Variants in SRCIN1 observed in about 807,000 individuals in gnomAD.
SRCIN1 encodes the protein SRC kinase signaling inhibitor 1, also known as P130Cas-associated protein.
SRCIN1 carries 50 observed loss-of-function variants against 116.2 expected under a neutral mutation model. That is an observed-to-expected ratio of 0.43 (90% CI 0.34 to 0.54). The LOEUF is 0.54. SRCIN1 is among the 20% of genes least tolerant of loss of function. SRCIN1 has a pLI of 0.02. For missense variants in SRCIN1, 1,446 were observed against 1,672.0 expected (o/e 0.86, Z 2.36); for synonymous variants, 736 against 750.0 (o/e 0.98, Z 0.30).
intron 2 of SRCIN1, chr17:38,574,807 A>G: frequency 5.0e-6 from 2 of 400,510 alleles, no homozygotes; most frequent in Non-Finnish European, 8.8e-6. Context: ...CCCTCCAAAA[A>G]AAAAAAATCC....
At position 38,604,865 on chromosome 17, in the gene SRCIN1, C is replaced by T. The variant is rs2143488669; in HGVS notation, c.22+819G>A. On this transcript the variant is annotated intron_variant, in intron 1 of 18. Transcript: ENST00000617146. The surrounding 1 kb of genome is among the most constrained non-coding windows in gnomAD (Gnocchi z 4.3). ...CCTGCCTTCCCTATCTTCTCACTCA[C>T]CCTAGATGCCCTCCCCAGCTGGGGG... Among the ~76,000 whole-genome samples the T allele has an allele frequency of 6.6e-6, 1 of 151,330 alleles. No individual in the cohort carries two copies. Among genetic ancestry groups the T allele is most frequent in the South Asian group, 2.1e-4 (1 of 4,798 alleles).
chr17:38,563,927 G>C lies in SRCIN1; in HGVS notation c.541+191C>G. On this transcript the variant is annotated intron_variant, in intron 4 of 18. Transcript: ENST00000617146. The surrounding 1 kb of genome is among the most constrained non-coding windows in gnomAD (Gnocchi z 5.8). ...GGAGAGAGGAGGCTTGGAGGGAAAG[G>C]GGTCGGGTGGGGATGCTGAGGGCGA... 1.5e-6 allele frequency: 1 copy of C among 645,438 alleles called. No homozygotes were observed. Among genetic ancestry groups the C allele is most frequent in the Non-Finnish European group, 2.7e-6 (1 of 375,826 alleles). The allele number at this position is 645,438 out of a possible 1,614,324, so 40.0% of individuals were successfully genotyped here.
intron 1 of SRCIN1, among the ~76,000 whole-genome samples, chr17:38,580,252 G>T (rs1907711268): frequency 6.6e-6 from 1 of 152,020 alleles, no homozygotes; most frequent in African/African-American, 2.4e-5. Flanking sequence ...ATTCAGCCAG[G>T]TTTCAAGAAA....
In SRCIN1 at chr17:38,585,428, G is replaced by A. The variant is rs1035047543; in HGVS notation, c.23-6637C>T. On this transcript the variant is annotated intron_variant, in intron 1 of 18. Coordinates refer to ENST00000617146, the MANE Select transcript of SRCIN1 (RefSeq NM_025248.3). The surrounding 1 kb of genome is among the most constrained non-coding windows in gnomAD (Gnocchi z 4.2). ...TGCCTGCTGCAGTCGGGAAGCACAC[G>A]GTGTGCTTGGAGGTTGGAGGCCAGA... 6.6e-6 allele frequency among the ~76,000 whole-genome samples: 1 copy of A among 152,220 alleles called. No individual in the cohort carries two copies. The highest frequency in any genetic ancestry group is 2.4e-5 in the African/African-American group (1 of 41,450).
chr17:38,584,593 C>T (rs908769923), intron 1 of SRCIN1, among the ~76,000 whole-genome samples: 14 of 152,210 alleles, frequency 9.2e-5, no homozygotes, highest in Non-Finnish European at 1.8e-4. Flanking sequence ...GTCATTTGTC[C>T]GAACAATTCC....
rs2040939400 is a variant in SRCIN1 at position 38,532,778 on chromosome 17, C to T, written c.*519G>A. 1 of 152,532 alleles carries T rather than the reference C, an allele frequency of 6.6e-6. No homozygotes were observed. The highest frequency in any genetic ancestry group is 6.5e-5 in the Admixed American group (1 of 15,286). The allele number at this position is 152,532 out of a possible 1,614,324, so 9.4% of individuals were successfully genotyped here. ...CATCTCCAAGGCCAGTCTCCCTAAG[C>T]CCCGCTCTCTGGCTTGATGTATGGG... is the stretch of plus-strand genomic sequence containing the variant. On this transcript the variant is annotated 3_prime_UTR_variant, in exon 19 of 19. Coordinates refer to ENST00000617146, the MANE Select transcript of SRCIN1 (RefSeq NM_025248.3). The surrounding 1 kb of genome is among the most constrained non-coding windows in gnomAD (Gnocchi z 4.3).
intron 17 of SRCIN1, chr17:38,547,810 G>A: frequency 4.0e-6 from 1 of 249,520 alleles, no homozygotes; most frequent in South Asian, 3.2e-5. Flanking sequence ...GGTCCTGGGG[G>A]GACAGCAAGG....
chr17:38,551,910 G>A lies in SRCIN1; in HGVS notation c.2703C>T (p.Ser901=), dbSNP rs1905443252. 2.5e-6 allele frequency: 4 copies of A among 1,613,970 alleles called. No individual in the cohort carries two copies. Among genetic ancestry groups the A allele is most frequent in the African/African-American group, 1.3e-5 (1 of 75,060 alleles). Residue 901 remains serine (S), a synonymous_variant, in exon 14 of 19, where the codon AGC becomes AGT. Coordinates refer to ENST00000617146, the MANE Select transcript of SRCIN1 (RefSeq NM_025248.3). ...CCTCAACAGACACAGCTTTGTCCACGCTTCTCTTGCCAGGAGTGTCCAGGC... is the reference window on the plus strand; with the variant it reads ...CCTCAACAGACACAGCTTTGTCCACACTTCTCTTGCCAGGAGTGTCCAGGC... The part of the protein sequence containing the change: ...TKGLDTPGKR[S]VDKAVSVEAA...
intron 2 of SRCIN1, among the ~76,000 whole-genome samples, chr17:38,569,758 A>G (rs1000180410): frequency 1.3e-5 from 2 of 152,204 alleles, no homozygotes; most frequent in Admixed American, 6.5e-5. Flanking sequence ...GCTTGGAATC[A>G]TCTATGGACT....
Position 38,564,364 on chromosome 17 carries a change from C to T in SRCIN1, c.346-51G>A, listed in dbSNP as rs929982663. 194 of 1,471,216 alleles carry T rather than the reference C, an allele frequency of 1.3e-4. 2 individuals are homozygous for T. The highest frequency in any genetic ancestry group is 9.9e-4 in the South Asian group (74 of 74,540). 91.1% of individuals were successfully genotyped at this position (1,471,216 alleles called of 1,614,324 possible). A position where few individuals can be genotyped will look rare whatever the true frequency, so the allele number is the denominator to read the frequency against. On this transcript the variant is annotated intron_variant, in intron 3 of 18. Transcript: ENST00000617146. ...GAACCAAGGATGAGCACCCCCCCTC[C>T]CCTTTGCTTGTCACTGCCCATATCC...
Position 38,533,268 on chromosome 17 carries a change from G to C in SRCIN1, c.*29C>G, listed in dbSNP as rs775771060. The C allele has an allele frequency of 7.8e-6, 10 of 1,279,516 alleles. No homozygotes were observed. Among genetic ancestry groups the C allele is most frequent in the Admixed American group, 4.2e-5 (2 of 47,736 alleles). The allele number at this position is 1,279,516 out of a possible 1,614,324, so 79.3% of individuals were successfully genotyped here. A position where few individuals can be genotyped will look rare whatever the true frequency, so the allele number is the denominator to read the frequency against. On this transcript the variant is annotated 3_prime_UTR_variant, in exon 19 of 19. Coordinates refer to ENST00000617146, the MANE Select transcript of SRCIN1 (RefSeq NM_025248.3). ...AGAAATGGCAGGAGTGAGGGAGGGG[G>C]ACAGGCGGGGCAGCGGGGTGAGGGG...
At chr17:38,549,730 T>C (rs1158609765) in intron 15 of SRCIN1, among the ~76,000 whole-genome samples, 1 of 152,186 alleles carries the variant, frequency 6.6e-6, no homozygotes, top group Non-Finnish European at 1.5e-5. Context: ...GAGGTCACTC[T>C]AGCCATTCCC....
At position 38,544,024 on chromosome 17, in the gene SRCIN1, C is replaced by A; in HGVS notation, c.3271-55G>T. 1 of 1,519,758 alleles carries A rather than the reference C, an allele frequency of 6.6e-7. No individual in the cohort carries two copies. Among genetic ancestry groups the A allele is most frequent in the Non-Finnish European group, 8.8e-7 (1 of 1,135,560 alleles). The allele number at this position is 1,519,758 out of a possible 1,614,324, so 94.1% of individuals were successfully genotyped here. On this transcript the variant is annotated intron_variant, in intron 17 of 18. Transcript: ENST00000617146. The surrounding 1 kb of genome is among the most constrained non-coding windows in gnomAD (Gnocchi z 4.5). ...CAGAGTCCACATGGGGTGAATCACACAGGAACCCTAGCACTGGGTGGGGTC... is the reference window on the plus strand; with the variant it reads ...CAGAGTCCACATGGGGTGAATCACAAAGGAACCCTAGCACTGGGTGGGGTC...
intron 3 of SRCIN1, 21 bp from the exon 4 acceptor site, chr17:38,564,334 G>C: frequency 6.6e-7 from 1 of 1,520,460 alleles, no homozygotes; most frequent in Non-Finnish European, 8.8e-7. Context: ...CGGGCAGGGT[G>C]AGAGGAACCA....
Position 38,563,797 on chromosome 17 carries a change from A to ACTGAGGGGAAGTGAG in SRCIN1, c.542-291_542-277dup. The ACTGAGGGGAAGTGAG allele has an allele frequency of 1.5e-6, 1 of 652,694 alleles. No homozygotes were observed. Among genetic ancestry groups the ACTGAGGGGAAGTGAG allele is most frequent in the Non-Finnish European group, 2.7e-6 (1 of 366,842 alleles). The allele number at this position is 652,694 out of a possible 1,614,324, so 40.4% of individuals were successfully genotyped here. On this transcript the variant is annotated intron_variant, in intron 4 of 18. Coordinates refer to ENST00000617146, the MANE Select transcript of SRCIN1 (RefSeq NM_025248.3). This position sits in a 1 kb window ranked among gnomAD's most constrained non-coding sequence, Gnocchi z 5.8. ...TGGGGGCAGAGCAGGTGGGGCGGAA[A>ACTGAGGGGAAGTGAG]CTGAGGGGAAGTGAGCTGAGGGAGA...
chr17:38,605,950 T>C lies in SRCIN1; in HGVS notation c.-245A>G, dbSNP rs1909339111. On this transcript the variant is annotated 5_prime_UTR_variant, in exon 1 of 19. Coordinates refer to ENST00000617146, the MANE Select transcript of SRCIN1 (RefSeq NM_025248.3). Reference sequence around the variant, plus strand: ...GAGTGTGTGTGTGTTTGAGTGTGTGTCTGCGCGCGCGCGGGCCGGCGCGGG... The same window carrying C: ...GAGTGTGTGTGTGTTTGAGTGTGTGCCTGCGCGCGCGCGGGCCGGCGCGGG... The C allele has an allele frequency of 7.0e-6, 1 of 142,398 alleles. No individual in the cohort carries two copies. Among genetic ancestry groups the C allele is most frequent in the Non-Finnish European group, 1.5e-5 (1 of 64,528 alleles). 8.8% of individuals were successfully genotyped at this position (142,398 alleles called of 1,614,324 possible). A position where few individuals can be genotyped will look rare whatever the true frequency, so the allele number is the denominator to read the frequency against.
chr17:38,546,780 G>T, intron 17 of SRCIN1: 1 of 154,310 alleles, frequency 6.5e-6, no homozygotes. Flanking sequence ...CTCCTCCCCC[G>T]CCAGGAAACC....
chr17:38,563,528 A>G lies in SRCIN1; in HGVS notation c.542-7T>C. The G allele has an allele frequency of 6.5e-7, 1 of 1,547,124 alleles. No individual in the cohort carries two copies. The highest frequency in any genetic ancestry group is 8.7e-7 in the Non-Finnish European group (1 of 1,147,040). Reference sequence around the variant, plus strand: ...AACTGCAGGAACAGCACCCCTGCGAAGGAGACGCCGCCCTCGCTGTCACTG... The same window carrying G: ...AACTGCAGGAACAGCACCCCTGCGAGGGAGACGCCGCCCTCGCTGTCACTG... On this transcript the variant is annotated splice_polypyrimidine_tract_variant and splice_region_variant and intron_variant, in intron 4 of 18. Coordinates refer to ENST00000617146, the MANE Select transcript of SRCIN1 (RefSeq NM_025248.3). This position sits in a 1 kb window ranked among gnomAD's most constrained non-coding sequence, Gnocchi z 5.8.
At chr17:38,603,039 T>C (rs527608829) in intron 1 of SRCIN1, among the ~76,000 whole-genome samples, 1 of 152,190 alleles carries the variant, frequency 6.6e-6, no homozygotes, top group South Asian at 2.1e-4. Context: ...AATTCCAAGG[T>C]TGGCATAGGC....
Sources: allele counts gnomAD v4.1 joint callset (sites outside exome capture counted in the v4.1 genomes callset), GRCh38; gene constraint gnomAD v4.1.1; non-coding constraint Gnocchi (gnomAD v3.1); transcripts MANE v1.5; gene names NCBI Gene and HGNC (gene_info 2026-07-23, HGNC 2026-07-21).